The following GPC5 variants were observed in gnomAD, a reference collection of about 807,000 sequenced individuals.
The protein encoded by GPC5 is glypican 5.
Under a neutral mutation model 53.9 loss-of-function variants are expected in GPC5, and 47 were observed. The observed-to-expected ratio is 0.87, with a 90% CI of 0.69 to 1.11. The LOEUF (loss-of-function observed/expected upper bound fraction) is 1.11, where lower values mean the gene tolerates loss of function less well. Ranked by LOEUF, GPC5 falls within the 50% of genes most tolerant of loss-of-function variation. GPC5 has a pLI of 0.00. For missense variants in GPC5, 748 were observed against 713.1 expected (o/e 1.05, Z -0.56); for synonymous variants, 286 against 263.3 (o/e 1.09, Z -0.84).
chr13:91,794,540 A>T (rs536497176), intron 5 of GPC5, among the ~76,000 whole-genome samples: 1 of 152,340 alleles, frequency 6.6e-6, no homozygotes, highest in Non-Finnish European at 1.5e-5. Flanking sequence ...TTTCTTAAAG[A>T]TATTACATGT....
At chr13:91,756,640 TTC>T (rs1230876719) in intron 5 of GPC5, among the ~76,000 whole-genome samples, 2 of 151,938 alleles carry the variant, frequency 1.3e-5, no homozygotes, top group East Asian at 3.9e-4. Context: ...TTTGAAAGTC[TTC>T]TCTTTTACCT....
chr13:92,279,332 T>G (rs890667284), intron 7 of GPC5, among the ~76,000 whole-genome samples: 4 of 152,066 alleles, frequency 2.6e-5, no homozygotes, highest in African/African-American at 7.2e-5. Context: ...TCATTGCCAT[T>G]GTATATAAAC....
chr13:92,022,153 C>T (rs1173456827), intron 6 of GPC5, among the ~76,000 whole-genome samples: 1 of 152,000 alleles, frequency 6.6e-6, no homozygotes, highest in African/African-American at 2.4e-5. Flanking sequence ...GCACGTGCTA[C>T]CACACCCAGC....
chr13:92,004,718 C>A (rs560617028), intron 6 of GPC5, among the ~76,000 whole-genome samples: 1 of 151,552 alleles, frequency 6.6e-6, no homozygotes, highest in South Asian at 2.1e-4. Flanking sequence ...GGAGGCCTCA[C>A]AATCATGGTG....
intron 7 of GPC5, among the ~76,000 whole-genome samples, chr13:92,377,331 T>C (rs527997364): frequency 6.6e-6 from 1 of 152,338 alleles, no homozygotes; most frequent in East Asian, 1.9e-4. Context: ...ATTAGCATAG[T>C]ATTCTAAGGA....
At chr13:92,724,271 T>G (rs1290191542) in intron 7 of GPC5, among the ~76,000 whole-genome samples, 2 of 151,656 alleles carry the variant, frequency 1.3e-5, no homozygotes, top group Non-Finnish European at 3.0e-5. Context: ...ATTTATCATT[T>G]TTAGCAAAAT....
intron 2 of GPC5, among the ~76,000 whole-genome samples, chr13:91,491,070 TC>T (rs1276480168): frequency 6.6e-6 from 1 of 152,188 alleles, no homozygotes; most frequent in Non-Finnish European, 1.5e-5. Flanking sequence ...TAATTTAACT[TC>T]TGCTTCTCCT....
chr13:91,476,614 C>A (rs550897467), intron 2 of GPC5, among the ~76,000 whole-genome samples: 1 of 152,146 alleles, frequency 6.6e-6, no homozygotes, highest in Admixed American at 6.5e-5. Context: ...AAGGCAGTAA[C>A]AATTTGCAGA....
At chr13:92,532,034 C>T (rs1881583383) in intron 7 of GPC5, among the ~76,000 whole-genome samples, 1 of 152,144 alleles carries the variant, frequency 6.6e-6, no homozygotes, top group Non-Finnish European at 1.5e-5. Flanking sequence ...CACCCTGGGT[C>T]TACTTCCAAT....
At chr13:92,197,938 T>C (rs1330865639) in intron 7 of GPC5, among the ~76,000 whole-genome samples, 1 of 152,156 alleles carries the variant, frequency 6.6e-6, no homozygotes, top group East Asian at 1.9e-4. Flanking sequence ...ATTGCAGCCA[T>C]GTGGGCCTTC....
At chr13:91,596,327 T>C (rs1305323861) in intron 2 of GPC5, among the ~76,000 whole-genome samples, 1 of 152,222 alleles carries the variant, frequency 6.6e-6, no homozygotes, top group Non-Finnish European at 1.5e-5. Context: ...TTTAAATTAT[T>C]ATGGCTAGAT....
At position 92,231,443 on chromosome 13, in the gene GPC5, G is replaced by A. The variant is rs186298917; in HGVS notation, c.1561+86454G>A. On this transcript the variant is annotated intron_variant, in intron 7 of 7. Coordinates refer to ENST00000377067, the MANE Select transcript of GPC5 (RefSeq NM_004466.6). ...AAATGCTAATTAGTCCTAATTGTTT[G>A]GAGGACACCTGTCAGTCCACTGATA... 3.9e-5 allele frequency among the ~76,000 whole-genome samples: 6 copies of A among 152,116 alleles called. No individual in the cohort carries two copies. In the South Asian group the frequency reaches 6.2e-4, roughly 16 times the overall value.
chr13:91,854,455 G>T (rs1453370976), intron 5 of GPC5, among the ~76,000 whole-genome samples: 1 of 151,638 alleles, frequency 6.6e-6, no homozygotes, highest in Non-Finnish European at 1.5e-5. Flanking sequence ...TAGTCCCCCT[G>T]CTGTGCTATC....
intron 6 of GPC5, among the ~76,000 whole-genome samples, chr13:92,127,512 A>G (rs1298115539): frequency 2.0e-5 from 3 of 152,214 alleles, no homozygotes; most frequent in African/African-American, 7.2e-5. Flanking sequence ...AACAGGGTTC[A>G]AGGAGTAGAA....
chr13:92,467,312 T>C (rs2139417581), intron 7 of GPC5, among the ~76,000 whole-genome samples: 1 of 152,218 alleles, frequency 6.6e-6, no homozygotes, highest in South Asian at 2.1e-4. Context: ...CTTAAGAAAG[T>C]AAGTAAGCAC....
intron 7 of GPC5, among the ~76,000 whole-genome samples, chr13:92,535,492 G>T (rs1286544984): frequency 1.3e-5 from 2 of 152,060 alleles, no homozygotes; most frequent in East Asian, 2.0e-4. Flanking sequence ...ACTAAGGGGG[G>T]GTCCAGAAGC....
intron 7 of GPC5, among the ~76,000 whole-genome samples, chr13:92,373,701 G>T (rs961792923): frequency 1.3e-5 from 2 of 152,118 alleles, no homozygotes; most frequent in African/African-American, 2.4e-5. Context: ...CACAGCATGA[G>T]GTTATAAAAC....
chr13:92,528,649 A>G (rs1287405473), intron 7 of GPC5, among the ~76,000 whole-genome samples: 2 of 152,084 alleles, frequency 1.3e-5, no homozygotes, highest in African/African-American at 4.8e-5. Context: ...ATAAATGCCT[A>G]ATAGATGTTC....
chr13:92,297,670 C>T (rs977769275), intron 7 of GPC5, among the ~76,000 whole-genome samples: 44 of 152,168 alleles, frequency 2.9e-4, no homozygotes, highest in Admixed American at 1.2e-3. Flanking sequence ...GGATTGTAAA[C>T]GCACCAATCA....
Sources: gnomAD v4.1 joint callset for allele counts (sites outside exome capture counted in the v4.1 genomes callset) on GRCh38, gnomAD v4.1.1 for gene constraint, MANE v1.5 for transcripts, NCBI Gene and HGNC (gene_info 2026-07-23, HGNC 2026-07-21) for gene names.